CDH19: variants seen among roughly 807,000 people sequenced by gnomAD.
CDH19 encodes cadherin-19.
In CDH19, 67 loss-of-function variants were observed where a neutral mutation model predicts 64.2. The observed-to-expected ratio is 1.04, with a 90% confidence interval of 0.86 to 1.28. The LOEUF (loss-of-function observed/expected upper bound fraction) is 1.28, where lower values mean the gene tolerates loss of function less well. Among genes scored for constraint, CDH19 ranks in the 50% most tolerant of loss-of-function variants. CDH19 has a pLI of 0.00. For synonymous variants in CDH19, 346 were observed against 319.3 expected (o/e 1.08, Z -0.89); for missense variants, 1,030 against 929.0 (o/e 1.11, Z -1.41).
Position 66,505,585 on chromosome 18 carries a change from A to T in CDH19, c.1829-283T>A, listed in dbSNP as rs533931160. Among the ~76,000 whole-genome samples, 49 of 147,484 alleles carry T rather than the reference A, an allele frequency of 3.3e-4. No homozygotes were observed. In the East Asian group the frequency reaches 7.6e-3, roughly 23 times the overall value. ...AATATATATATAATATAATATATAT[A>T]GTGAACTATATATATTAGATGATGA... is the stretch of plus-strand genomic sequence containing the variant. On this transcript the variant is annotated intron_variant, in intron 11 of 11. Transcript: ENST00000262150.
chr18:66,536,614 A>T (rs1986681796), intron 7 of CDH19, among the ~76,000 whole-genome samples: 1 of 151,806 alleles, frequency 6.6e-6, no homozygotes, highest in Non-Finnish European at 1.5e-5. Context: ...ATAAACAATA[A>T]ATTGGTTCAG....
At position 66,511,703 on chromosome 18, in the gene CDH19, T is replaced by A. The variant is rs746795601; in HGVS notation, c.1459-18A>T. The A allele has an allele frequency of 8.5e-7, 1 of 1,175,956 alleles. No individual in the cohort carries two copies. Among genetic ancestry groups the A allele is most frequent in the Admixed American group, 1.8e-5 (1 of 55,002 alleles). The allele number at this position is 1,175,956 out of a possible 1,614,324, so 72.8% of individuals were successfully genotyped here. ...TGAATTACCTAAAAAAAAAGGGGGA[T>A]AGATTTTTGTTGTTGTTTGGATTCA... On this transcript the variant is annotated intron_variant, in intron 9 of 11. Transcript: ENST00000262150.
In CDH19 at chr18:66,535,127, T is replaced by C. The variant is rs1478429940; in HGVS notation, c.1215-20A>G. On this transcript the variant is annotated intron_variant, in intron 7 of 11. Coordinates refer to ENST00000262150, the MANE Select transcript of CDH19 (RefSeq NM_021153.4). Reference sequence around the variant, plus strand: ...GAATACCTGAACCAAAAGGAAAGTATACCTTAATATTTTTATTCTATCTGC... The same window carrying C: ...GAATACCTGAACCAAAAGGAAAGTACACCTTAATATTTTTATTCTATCTGC... The C allele has an allele frequency of 7.2e-7, 1 of 1,392,090 alleles. No homozygotes were observed. The highest frequency in any genetic ancestry group is 1.4e-5 in the African/African-American group (1 of 69,618). The allele number at this position is 1,392,090 out of a possible 1,614,324, so 86.2% of individuals were successfully genotyped here.
In CDH19 at chr18:66,595,747, C is replaced by T. The variant is rs193091694; in HGVS notation, c.-113+8207G>A. On this transcript the variant is annotated intron_variant, in intron 1 of 11. Coordinates refer to ENST00000262150, the MANE Select transcript of CDH19 (RefSeq NM_021153.4). ...ATTATACCAGATACTATAAAGAAGACGGGGTATCAATTTTACTGAAACTAT... is the reference window on the plus strand; with the variant it reads ...ATTATACCAGATACTATAAAGAAGATGGGGTATCAATTTTACTGAAACTAT... Among the ~76,000 whole-genome samples, 341 of 152,070 alleles carry T rather than the reference C, an allele frequency of 2.2e-3. 3 individuals carry two copies. Among genetic ancestry groups the T allele is most frequent in the African/African-American group, 7.2e-3 (300 of 41,512 alleles).
At position 66,554,369 on chromosome 18, in the gene CDH19, A is replaced by C. The variant is rs555792035; in HGVS notation, c.610+36T>G. The C allele has an allele frequency of 2.5e-5, 40 of 1,605,362 alleles. No homozygotes were observed. In the South Asian group the frequency reaches 4.0e-4, roughly 16 times the overall value. ...TTTGCTGACAATTGCCTTCTTTAGA[A>C]TCATGTTAAACTTTGCTTGTTTCAT... is the stretch of plus-strand genomic sequence containing the variant. On this transcript the variant is annotated intron_variant, in intron 4 of 11. Coordinates refer to ENST00000262150, the MANE Select transcript of CDH19 (RefSeq NM_021153.4).
At chr18:66,547,728 C>T (rs1365060576) in intron 5 of CDH19, among the ~76,000 whole-genome samples, 1 of 116,024 alleles carries the variant, frequency 8.6e-6, no homozygotes, top group African/African-American at 3.6e-5. Flanking sequence ...AGTGCAGTGG[C>T]GGGATCTCGG....
At chr18:66,565,557 C>T (rs1987878465) in intron 3 of CDH19, among the ~76,000 whole-genome samples, 1 of 151,448 alleles carries the variant, frequency 6.6e-6, no homozygotes, top group African/African-American at 2.4e-5. Flanking sequence ...CTTAAATGGC[C>T]GTGGATATAG....
chr18:66,532,813 T>TTGGA (rs957684268), intron 8 of CDH19: 18 of 426,124 alleles, frequency 4.2e-5, no homozygotes, highest in African/African-American at 3.3e-4. Flanking sequence ...AAGTTGTCCT[T>TTGGA]TGGATAAAAC....
At chr18:66,556,439 T>C (rs963925664) in intron 3 of CDH19, among the ~76,000 whole-genome samples, 6 of 151,770 alleles carry the variant, frequency 4.0e-5, no homozygotes, top group Non-Finnish European at 8.8e-5. Flanking sequence ...TCCCTCTTCA[T>C]ATCCCCGACA....
chr18:66,562,404 A>G (rs958483234), intron 3 of CDH19, among the ~76,000 whole-genome samples: 4 of 151,916 alleles, frequency 2.6e-5, no homozygotes, highest in Non-Finnish European at 4.4e-5. Flanking sequence ...AGGGTTTGCA[A>G]TCCTATGAAA....
At chr18:66,521,522 ATTTTGTTTG>A (rs1598976471) in intron 9 of CDH19, among the ~76,000 whole-genome samples, 3 of 77,316 alleles carry the variant, frequency 3.9e-5, no homozygotes, top group African/African-American at 4.4e-5. Flanking sequence ...TTATTTATTT[ATTTTGTTTG>A]TTTGTTTGTT....
intron 1 of CDH19, among the ~76,000 whole-genome samples, chr18:66,581,147 AGT>A (rs1988410692): frequency 6.6e-6 from 1 of 152,100 alleles, no homozygotes; most frequent in African/African-American, 2.4e-5. Flanking sequence ...GTCTTATGTT[AGT>A]GTGTTTTTAT....
chr18:66,578,758 T>C (rs535064000), intron 1 of CDH19, among the ~76,000 whole-genome samples: 2 of 151,928 alleles, frequency 1.3e-5, no homozygotes, highest in East Asian at 1.9e-4. Context: ...CAAATGTCTA[T>C]CAACAAGTCA....
chr18:66,585,494 A>T (rs1988551104), intron 1 of CDH19, among the ~76,000 whole-genome samples: 1 of 152,034 alleles, frequency 6.6e-6, no homozygotes, highest in Admixed American at 6.6e-5. Flanking sequence ...CTCATGTGAA[A>T]ATTGAGGATA....
intron 1 of CDH19, among the ~76,000 whole-genome samples, chr18:66,602,015 T>C (rs1207240340): frequency 6.6e-6 from 1 of 151,958 alleles, no homozygotes; most frequent in Non-Finnish European, 1.5e-5. Flanking sequence ...TTCAATCTGT[T>C]TCACCAAAGC....
chr18:66,536,398 T>A (rs1016442237), intron 7 of CDH19, among the ~76,000 whole-genome samples: 4 of 151,832 alleles, frequency 2.6e-5, no homozygotes, highest in African/African-American at 9.7e-5. Flanking sequence ...GTATTTTCCC[T>A]AAATATCCCC....
At chr18:66,589,976 T>TTTCA (rs1568212484) in intron 1 of CDH19, among the ~76,000 whole-genome samples, 1 of 151,440 alleles carries the variant, frequency 6.6e-6, no homozygotes, top group Admixed American at 6.6e-5. Context: ...ACTATTATTA[T>TTTCA]TTTGTTAGAC....
intron 7 of CDH19, among the ~76,000 whole-genome samples, chr18:66,541,738 TTGA>T (rs1341694754): frequency 6.6e-6 from 1 of 152,124 alleles, no homozygotes; most frequent in African/African-American, 2.4e-5. Context: ...AACGTGTTTT[TTGA>T]TGGATACAAG....
chr18:66,562,568 C>T (rs1472956933), intron 3 of CDH19, among the ~76,000 whole-genome samples: 1 of 152,028 alleles, frequency 6.6e-6, no homozygotes, highest in African/African-American at 2.4e-5. Context: ...AGACAAGCAC[C>T]AGTCTGTGGC....
Sources: gnomAD v4.1 joint callset for allele counts (sites outside exome capture counted in the v4.1 genomes callset) on GRCh38, gnomAD v4.1.1 for gene constraint, MANE v1.5 for transcripts, NCBI Gene and HGNC (gene_info 2026-07-23, HGNC 2026-07-21) for gene names.